Variants in SLC4A5 observed in about 807,000 individuals in gnomAD.
SLC4A5 encodes solute carrier family 4 member 5, also known as electrogenic sodium bicarbonate cotransporter 4.
Under a neutral mutation model 120.4 loss-of-function variants are expected in SLC4A5, and 96 were observed. That is an observed-to-expected ratio of 0.80 (90% CI 0.68 to 0.94). The LOEUF (loss-of-function observed/expected upper bound fraction) is 0.94, where lower values mean the gene tolerates loss of function less well. Among genes scored for constraint, SLC4A5 ranks in the 40% least tolerant of loss-of-function variants. The pLI is 0.00. For synonymous variants in SLC4A5, 550 were observed against 571.1 expected (o/e 0.96, Z 0.53); for missense variants, 1,259 against 1,459.5 (o/e 0.86, Z 2.24).
Position 74,262,933 on chromosome 2 carries a change from G to A in SLC4A5, c.716-701C>T, listed in dbSNP as rs561700243. On this transcript the variant is annotated intron_variant, in intron 10 of 30. Transcript: ENST00000394019. Reference sequence around the variant, plus strand: ...CTACACGCCACAGCATTTTTGTGAGGATGAAGTGAGTTAAAACAGGAAGAG... The same window carrying A: ...CTACACGCCACAGCATTTTTGTGAGAATGAAGTGAGTTAAAACAGGAAGAG... 4.6e-5 allele frequency among the ~76,000 whole-genome samples: 7 copies of A among 152,304 alleles called. No individual in the cohort carries two copies. The South Asian group carries it at 1.4e-3, about 32-fold the overall frequency.
chr2:74,295,000 G>A (rs912011744), intron 7 of SLC4A5, among the ~76,000 whole-genome samples: 3 of 152,088 alleles, frequency 2.0e-5, no homozygotes, highest in East Asian at 1.9e-4. Flanking sequence ...CTGCATAAGC[G>A]CTAGACTGAT....
intron 21 of SLC4A5, 104 bp from the exon 22 acceptor site, chr2:74,235,318 G>T (rs1670235870): frequency 1.3e-6 from 1 of 765,926 alleles, no homozygotes; most frequent in African/African-American, 1.7e-5. Context: ...TTACAGTCTG[G>T]GCTCTGAAGG....
In SLC4A5 at chr2:74,288,515, G is replaced by A. The variant is rs543890530; in HGVS notation, c.272-2613C>T. Among the ~76,000 whole-genome samples the A allele has an allele frequency of 1.3e-4, 20 of 152,236 alleles. 2 individuals are homozygous for A. In the East Asian group the frequency reaches 3.3e-3, roughly 25 times the overall value. On this transcript the variant is annotated intron_variant, in intron 7 of 30. Transcript: ENST00000394019. ...AAATGTGACTTATGGCTCTTATAAC[G>A]TGGCAGTTTCTTGATATTTTCCCTC...
intron 7 of SLC4A5, chr2:74,290,218 C>A (rs1042791280): frequency 9.8e-5 from 97 of 985,498 alleles, no homozygotes; most frequent in Middle Eastern, 5.2e-4. Context: ...GAGCAGGATG[C>A]AAACCAGTTC....
At chr2:74,314,163 T>C (rs936872461) in intron 6 of SLC4A5, among the ~76,000 whole-genome samples, 2 of 152,210 alleles carry the variant, frequency 1.3e-5, no homozygotes, top group Non-Finnish European at 2.9e-5. Flanking sequence ...AATTGTCCCA[T>C]CTTTTCTTGG....
At chr2:74,259,717 C>A in intron 11 of SLC4A5, 74 bp from the exon 12 acceptor site, 1 of 1,401,638 alleles carries the variant, frequency 7.1e-7, no homozygotes, top group Non-Finnish European at 1.0e-6. Flanking sequence ...GGGCCCTACT[C>A]ATGTACCTCT....
intron 6 of SLC4A5, chr2:74,307,742 G>T: frequency 1.4e-6 from 1 of 703,648 alleles, no homozygotes. Context: ...GAGGCCAGGA[G>T]GTCGTTCAGG....
intron 24 of SLC4A5, among the ~76,000 whole-genome samples, chr2:74,232,081 G>A (rs1408730224): frequency 6.6e-6 from 1 of 152,212 alleles, no homozygotes; most frequent in Non-Finnish European, 1.5e-5. Flanking sequence ...TGGAGGAATA[G>A]AGACTGAGCA....
At chr2:74,217,136 C>A (rs1173632091) in exon 31 of SLC4A5, 1 of 152,162 alleles carries the variant, frequency 6.6e-6, no homozygotes, top group East Asian at 1.9e-4. Context: ...TGTTAATGAT[C>A]TAGTGTCATT....
At chr2:74,265,699 G>C (rs1423404449) in intron 8 of SLC4A5, among the ~76,000 whole-genome samples, 4 of 152,268 alleles carry the variant, frequency 2.6e-5, no homozygotes, top group South Asian at 4.1e-4. Context: ...TGTTCAGTGT[G>C]GTTTGCTGGG....
chr2:74,232,390 T>A lies in SLC4A5; in HGVS notation c.2774+79A>T, dbSNP rs902288224. 3.3e-6 allele frequency: 5 copies of A among 1,526,112 alleles called. No homozygotes were observed. In the African/African-American group the frequency reaches 5.6e-5, roughly 17 times the overall value. The allele number at this position is 1,526,112 out of a possible 1,614,324, so 94.5% of individuals were successfully genotyped here. ...GGGGCCCTTTTTGTCCAAATCCTTT[T>A]GTGGCAGGCAAAGCCAGCTTCTCCT... On this transcript the variant is annotated intron_variant, in intron 24 of 30. Transcript: ENST00000394019.
chr2:74,277,969 T>C (rs1343850025), intron 8 of SLC4A5, among the ~76,000 whole-genome samples: 2 of 151,844 alleles, frequency 1.3e-5, no homozygotes, highest in Non-Finnish European at 2.9e-5. Flanking sequence ...GATAGATAAA[T>C]ATGAAACTTT....
chr2:74,329,021 A>G (rs2104334844), intron 4 of SLC4A5, among the ~76,000 whole-genome samples: 1 of 152,168 alleles, frequency 6.6e-6, no homozygotes, highest in East Asian at 1.9e-4. Flanking sequence ...GACTACAGCC[A>G]TGCAGGTAGG....
intron 8 of SLC4A5, among the ~76,000 whole-genome samples, chr2:74,285,185 C>T (rs531640867): frequency 2.0e-5 from 3 of 152,228 alleles, no homozygotes; most frequent in Non-Finnish European, 4.4e-5. Context: ...TTTGAGCCTG[C>T]GTGCAGTAAG....
At chr2:74,290,009 T>C (rs1200690864) in intron 7 of SLC4A5, among the ~76,000 whole-genome samples, 2 of 152,180 alleles carry the variant, frequency 1.3e-5, no homozygotes, top group Non-Finnish European at 2.9e-5. Context: ...AGCCCTAACC[T>C]GCCTTTCTAG....
intron 4 of SLC4A5, among the ~76,000 whole-genome samples, chr2:74,330,288 TGGTGTA>T (rs967488693): frequency 1.3e-5 from 2 of 148,776 alleles, no homozygotes; most frequent in African/African-American, 5.0e-5. Flanking sequence ...TGGAGGAGTG[TGGTGTA>T]GGTGTAGGTG....
intron 2 of SLC4A5, chr2:74,339,587 C>T (rs1038969791): frequency 6.6e-6 from 1 of 152,198 alleles, no homozygotes; most frequent in South Asian, 2.1e-4. Context: ...GGGAGGGGAA[C>T]TTGGAGGTCG....
intron 3 of SLC4A5, among the ~76,000 whole-genome samples, chr2:74,334,597 T>C (rs1369944195): frequency 6.6e-6 from 1 of 152,232 alleles, no homozygotes; most frequent in Non-Finnish European, 1.5e-5. Flanking sequence ...ATTTGTTCAC[T>C]TTTTGTCTGT....
chr2:74,300,660 T>C lies in SLC4A5; in HGVS notation c.271+3829A>G, dbSNP rs570104447. Among the ~76,000 whole-genome samples the C allele has an allele frequency of 5.3e-5, 8 of 152,250 alleles. No individual in the cohort carries two copies. In the South Asian group the frequency reaches 1.5e-3, roughly 28 times the overall value. ...CTATGTGCTCCTGTTTCTCCTCCTATAGTTTCCTGTGCAGACCTCCATCAA... is the reference window on the plus strand; with the variant it reads ...CTATGTGCTCCTGTTTCTCCTCCTACAGTTTCCTGTGCAGACCTCCATCAA... On this transcript the variant is annotated intron_variant, in intron 7 of 30. Transcript: ENST00000394019.
Sources: allele counts gnomAD v4.1 joint callset (sites outside exome capture counted in the v4.1 genomes callset), GRCh38; gene constraint gnomAD v4.1.1; transcripts MANE v1.5; gene names NCBI Gene and HGNC (gene_info 2026-07-23, HGNC 2026-07-21).